Variants in BCR observed in about 807,000 individuals in gnomAD.
The protein encoded by BCR is breakpoint cluster region protein.
A neutral mutation model predicts 138.6 loss-of-function variants in BCR; 58 were observed. The observed-to-expected ratio is 0.42, with a 90% CI of 0.34 to 0.52. The LOEUF is 0.52. Ranked by LOEUF, BCR falls within the 20% of genes least tolerant of loss-of-function variation. The pLI is 0.06. For synonymous variants in BCR, 786 were observed against 730.1 expected, an observed-to-expected ratio of 1.08 and a Z score of -1.23; for missense variants, 1,599 against 1,727.2, an observed-to-expected ratio of 0.93 and a Z score of 1.32.
intron 4 of BCR, chr22:23,263,170 C>G: frequency 3.7e-6 from 3 of 802,438 alleles, no homozygotes; most frequent in Non-Finnish European, 5.7e-6. Flanking sequence ...GAGGAGGAGG[C>G]GGCTCGGGAG....
rs1423376953 is a variant in BCR at position 23,292,541 on chromosome 22, A to T, written c.2783A>T (p.Asn928Ile). The T allele has an allele frequency of 6.2e-7, 1 of 1,612,014 alleles. No homozygotes were observed. The highest frequency in any genetic ancestry group is 1.7e-5 in the Admixed American group (1 of 59,972). The change falls in exon 15 of 23, where the codon AAT (asparagine) becomes ATT (isoleucine). Residue 928 changes from asparagine (N) to isoleucine (I), a missense_variant and splice_region_variant. Asn to Ile is a moderately radical substitution (Grantham distance 149, BLOSUM62 -3). Around this residue, in one of 4 missense-constraint regions of BCR, gnomAD observed 590 missense variants for 762.4 expected, o/e 0.77. Coordinates refer to ENST00000305877, the MANE Select transcript of BCR (RefSeq NM_004327.4). ...TCTCCATGTCCACTTCTCCCCACAGATCTGTACTGCACCCTGGAGGTGGAT... is the reference window on the plus strand; with the variant it reads ...TCTCCATGTCCACTTCTCCCCACAGTTCTGTACTGCACCCTGGAGGTGGAT... ...HSATGFKQSS[N>I]LYCTLEVDSF...
chr22:23,305,247 C>T (rs868254436), intron 16 of BCR, among the ~76,000 whole-genome samples: 30 of 150,216 alleles, frequency 2.0e-4, no homozygotes, highest in African/African-American at 6.2e-4. Flanking sequence ...GACCCACCCC[C>T]GGGAGTAGGT....
intron 1 of BCR, among the ~76,000 whole-genome samples, chr22:23,240,467 C>A (rs185911251): frequency 5.6e-4 from 85 of 151,406 alleles, no homozygotes; most frequent in Middle Eastern, 3.4e-3. Flanking sequence ...CTGACTAACA[C>A]GGTGAAACCC....
Position 23,290,392 on chromosome 22 carries a change from A to G in BCR, c.2761A>G (p.Thr921Ala). The G allele has an allele frequency of 6.2e-7, 1 of 1,614,104 alleles. No homozygotes were observed. Among genetic ancestry groups the G allele is most frequent in the East Asian group, 2.2e-5 (1 of 44,880 alleles). Reference sequence around the variant, plus strand: ...TCTGAATGTCATCGTCCACTCAGCCACTGGATTTAAGCAGAGTTCAAGTAA... The same window carrying G: ...TCTGAATGTCATCGTCCACTCAGCCGCTGGATTTAAGCAGAGTTCAAGTAA... ...GFLNVIVHSA[T>A]GFKQSSNLYC... The change falls in exon 14 of 23, where the codon ACT (threonine) becomes GCT (alanine). Residue 921 changes from threonine to alanine, a missense_variant. Thr to Ala is a moderately conservative substitution (Grantham distance 58, BLOSUM62 0). This residue lies in a region of BCR where 590 missense variants were observed against 762.4 expected (regional missense o/e 0.77). Transcript: ENST00000305877.
chr22:23,265,224 A>G (rs1230583169), intron 4 of BCR, among the ~76,000 whole-genome samples: 2 of 152,234 alleles, frequency 1.3e-5, no homozygotes, highest in African/African-American at 4.8e-5. Flanking sequence ...GCGTCAGATG[A>G]TGCAGCCGGA....
chr22:23,263,502 G>T (rs1474624668), intron 4 of BCR: 1 of 1,570,192 alleles, frequency 6.4e-7, no homozygotes, highest in African/African-American at 1.4e-5. Flanking sequence ...GCTAGAGGAT[G>T]ATGCTTTGTA....
intron 1 of BCR, among the ~76,000 whole-genome samples, chr22:23,191,107 T>C (rs1156692423): frequency 6.6e-6 from 1 of 152,254 alleles, no homozygotes; most frequent in Admixed American, 6.5e-5. Context: ...TAATTTTTAA[T>C]TTTTGTTGAG....
intron 1 of BCR, among the ~76,000 whole-genome samples, chr22:23,237,973 C>G (rs1474157228): frequency 6.6e-6 from 1 of 152,204 alleles, no homozygotes; most frequent in Non-Finnish European, 1.5e-5. Flanking sequence ...GGTGAGGCTT[C>G]CGGTAATTAT....
intron 1 of BCR, among the ~76,000 whole-genome samples, chr22:23,203,828 T>C (rs1409494875): frequency 6.6e-6 from 1 of 152,242 alleles, no homozygotes; most frequent in East Asian, 1.9e-4. Context: ...CAGATAGCAT[T>C]GTCCAGTTAA....
chr22:23,181,740 G>C lies in BCR; in HGVS notation c.780G>C (p.Leu260=). The C allele has an allele frequency of 6.2e-7, 1 of 1,604,292 alleles. No homozygotes were observed. Among genetic ancestry groups the C allele is most frequent in the Non-Finnish European group, 8.5e-7 (1 of 1,179,974 alleles). ...ACCCCCGCTTCCTGAAGGACAACCT[G>C]ATCGACGCCAATGGCGGTAGCAGGC... ...ELNPRFLKDN[L]IDANGGSRPP... The change falls in exon 1 of 23, where the codon CTG becomes CTC. Residue 260 remains leucine (L), a synonymous_variant. Coordinates refer to ENST00000305877, the MANE Select transcript of BCR (RefSeq NM_004327.4).
intron 16 of BCR, among the ~76,000 whole-genome samples, chr22:23,299,247 G>A (rs1410963927): frequency 1.3e-5 from 2 of 152,136 alleles, no homozygotes; most frequent in East Asian, 1.9e-4. Flanking sequence ...GCCTCCCAAA[G>A]TGCTGGGATT....
intron 1 of BCR, among the ~76,000 whole-genome samples, chr22:23,209,109 CA>C (rs1460192478): frequency 6.6e-6 from 1 of 152,138 alleles, no homozygotes; most frequent in Non-Finnish European, 1.5e-5. Flanking sequence ...CCTGTAATCC[CA>C]GCACTTTGGT....
chr22:23,309,139 A>G (rs2073980447), intron 16 of BCR, among the ~76,000 whole-genome samples: 1 of 151,954 alleles, frequency 6.6e-6, no homozygotes, highest in Non-Finnish European at 1.5e-5. Context: ...CCGGATGGAG[A>G]GAGCCTGCCA....
chr22:23,304,195 C>T (rs2073933873), intron 16 of BCR, among the ~76,000 whole-genome samples: 2 of 151,036 alleles, frequency 1.3e-5, no homozygotes, highest in South Asian at 2.1e-4. Flanking sequence ...CTGCCTTGGC[C>T]TCCCAAAGTG....
At position 23,316,580 on chromosome 22, in the gene BCR, G is replaced by A. The variant is rs2074074066; in HGVS notation, c.*1058G>A. The A allele has an allele frequency of 5.5e-6, 1 of 181,120 alleles. No homozygotes were observed. The highest frequency in any genetic ancestry group is 1.2e-5 in the Non-Finnish European group (1 of 84,148). 11.2% of individuals were successfully genotyped at this position (181,120 alleles called of 1,614,324 possible). A position where few individuals can be genotyped will look rare whatever the true frequency, so the allele number is the denominator to read the frequency against. ...AGATCCAGATACCTAATAAGATGCT[G>A]GAATGTAATCCCTGGACAATCCGTG... On this transcript the variant is annotated 3_prime_UTR_variant, in exon 23 of 23. Coordinates refer to ENST00000305877, the MANE Select transcript of BCR (RefSeq NM_004327.4).
chr22:23,270,181 C>G (rs376264812), intron 5 of BCR, among the ~76,000 whole-genome samples: 8 of 152,086 alleles, frequency 5.3e-5, no homozygotes, highest in Non-Finnish European at 8.8e-5. Context: ...CGTGGGAGTT[C>G]GAAGATCACC....
At chr22:23,263,294 C>T in intron 4 of BCR, 1 of 1,148,342 alleles carries the variant, frequency 8.7e-7, no homozygotes, top group Non-Finnish European at 1.3e-6. Context: ...CCCAGGTGTA[C>T]CGCTGGCTGT....
rs546039376 is a variant in BCR, at chr22:23,312,717, A to G, written c.3323-170A>G. Reference sequence around the variant, plus strand: ...CCACGCACCCCTATCAACTCTGCAGACACAGAACCATGCACAGCTCTTGGG... The same window carrying G: ...CCACGCACCCCTATCAACTCTGCAGGCACAGAACCATGCACAGCTCTTGGG... On this transcript the variant is annotated intron_variant, in intron 19 of 22. Transcript: ENST00000305877. The G allele has an allele frequency of 1.3e-5, 8 of 595,748 alleles. No homozygotes were observed. In the East Asian group the frequency reaches 2.2e-4, roughly 17 times the overall value. 36.9% of individuals were successfully genotyped at this position (595,748 alleles called of 1,614,324 possible).
chr22:23,237,344 G>C (rs953446774), intron 1 of BCR, among the ~76,000 whole-genome samples: 2 of 152,218 alleles, frequency 1.3e-5, no homozygotes, highest in Non-Finnish European at 2.9e-5. Context: ...GCCCCCTGGG[G>C]AAGCAGGATA....
Sources: gnomAD v4.1 joint callset for allele counts (sites outside exome capture counted in the v4.1 genomes callset) on GRCh38, gnomAD v4.1.1 for gene constraint, gnomAD v4.1.1 regional missense constraint, MANE v1.5 for transcripts, NCBI Gene and HGNC (gene_info 2026-07-23, HGNC 2026-07-21) for gene names.